Variants in TUB observed in about 807,000 individuals in gnomAD.
The protein encoded by TUB is TUB bipartite transcription factor, also known as tubby protein homolog.
Under a neutral mutation model 59.7 loss-of-function variants are expected in TUB, and 33 were observed. The observed-to-expected ratio is 0.55, with a 90% CI of 0.42 to 0.74. The LOEUF is 0.74. Among genes scored for constraint, TUB ranks in the 30% least tolerant of loss-of-function variants. The pLI is 0.00. For synonymous variants in TUB, 293 were observed against 256.4 expected, an observed-to-expected ratio of 1.14 and a Z score of -1.36; for missense variants, 659 against 672.0, an observed-to-expected ratio of 0.98 and a Z score of 0.21.
intron 4 of TUB, among the ~76,000 whole-genome samples, 175 bp from the exon 5 acceptor site, chr11:8,095,323 G>T (rs1028302242): frequency 2.6e-5 from 4 of 152,172 alleles, no homozygotes; most frequent in Non-Finnish European, 2.9e-5. Context: ...TCCCTTACTA[G>T]CTTACCAGTT....
At chr11:8,029,728 T>A (rs1487425292) in intron 1 of TUB, among the ~76,000 whole-genome samples, 1 of 152,082 alleles carries the variant, frequency 6.6e-6, no homozygotes, top group Non-Finnish European at 1.5e-5. Context: ...TGTGAGTATA[T>A]GACCTATGGC....
At position 8,095,524 on chromosome 11, in the gene TUB, G is replaced by A. The variant is rs1161392299; in HGVS notation, c.424G>A (p.Glu142Lys). ...KGTSGPAALAEDKSEAQGPVQ... is the reference protein window; with the variant it reads ...KGTSGPAALAKDKSEAQGPVQ... ...CACCAGCGGGCCAGCAGCACTGGCAGAAGACAAGTCTGAGGCCCAAGGCCC... is the reference window on the plus strand; with the variant it reads ...CACCAGCGGGCCAGCAGCACTGGCAAAAGACAAGTCTGAGGCCCAAGGCCC... The change falls in exon 5 of 12, where the codon GAA becomes AAA. Residue 142 changes from glutamate (E) to lysine (K), a missense_variant. Glu to Lys is a moderately conservative substitution (Grantham distance 56). This residue lies in a region of TUB where 321 missense variants were observed against 304.3 expected (regional missense o/e 1.05). Coordinates refer to ENST00000299506, the MANE Select transcript of TUB (RefSeq NM_177972.3). 1.2e-6 allele frequency: 2 copies of A among 1,612,022 alleles called. No homozygotes were observed. Among genetic ancestry groups the A allele is most frequent in the Admixed American group, 1.7e-5 (1 of 60,012 alleles).
intron 1 of TUB, among the ~76,000 whole-genome samples, chr11:8,085,136 C>G (rs552782397): frequency 1.5e-4 from 23 of 152,312 alleles, no homozygotes; most frequent in African/African-American, 4.3e-4. Flanking sequence ...TTGGACCCAC[C>G]ACTTTACTTC....
At chr11:8,101,282 T>C (rs114476991) in intron 11 of TUB, among the ~76,000 whole-genome samples, 3,737 of 152,296 alleles carry the variant, frequency 0.025, 167 homozygotes, top group African/African-American at 0.086. Flanking sequence ...TTCACATGCA[T>C]CTTACTTTGT....
chr11:8,023,673 G>C (rs1195760377), intron 1 of TUB, among the ~76,000 whole-genome samples: 2 of 152,196 alleles, frequency 1.3e-5, no homozygotes, highest in Admixed American at 1.3e-4. Context: ...TCTCTAGTCA[G>C]CATCCACAAG....
intron 2 of TUB, chr11:8,068,381 G>C (rs1943288841): frequency 6.6e-6 from 1 of 152,390 alleles, no homozygotes; most frequent in Non-Finnish European, 1.5e-5. Context: ...TGCCAGGGCT[G>C]CCTATGATCC....
At chr11:8,026,516 GA>G (rs1381109475) in intron 1 of TUB, among the ~76,000 whole-genome samples, 5 of 147,702 alleles carry the variant, frequency 3.4e-5, no homozygotes, top group African/African-American at 1.2e-4. Flanking sequence ...AGCATTCATT[GA>G]AAAAAACCTT....
chr11:8,080,198 G>A (rs560294888), upstream of TUB, among the ~76,000 whole-genome samples: 63 of 152,326 alleles, frequency 4.1e-4, no homozygotes, highest in Admixed American at 1.1e-3. Flanking sequence ...CTCTTCTGGC[G>A]CGGTTGGCGC....
At chr11:8,024,132 C>T (rs929650110) in intron 1 of TUB, among the ~76,000 whole-genome samples, 1 of 152,226 alleles carries the variant, frequency 6.6e-6, no homozygotes, top group Admixed American at 6.5e-5. Flanking sequence ...CAGCCTTTTC[C>T]CGGCCTCTCT....
Position 8,101,856 on chromosome 11 carries a change from G to GACTCGGCGA in TUB, c.*237_*238insACTCGGCGA. ...AAGGGATGAGAATAATTCTTTCCATGCCACGAGATCAACACACACTCCCAC... is the reference window on the plus strand; with the variant it reads ...AAGGGATGAGAATAATTCTTTCCATGACTCGGCGACCACGAGATCAACACACACTCCCAC... On this transcript the variant is annotated 3_prime_UTR_variant, in exon 12 of 12. Transcript: ENST00000299506. 5 of 482,844 alleles carry GACTCGGCGA rather than the reference G, an allele frequency of 1.0e-5. No individual in the cohort carries two copies. Among genetic ancestry groups the GACTCGGCGA allele is most frequent in the Admixed American group, 4.2e-5 (1 of 23,566 alleles). 29.9% of individuals were successfully genotyped at this position (482,844 alleles called of 1,614,324 possible). A position where few individuals can be genotyped will look rare whatever the true frequency, so the allele number is the denominator to read the frequency against.
At chr11:8,039,815 T>A (rs898997601) in intron 2 of TUB, 2 of 686,968 alleles carry the variant, frequency 2.9e-6, no homozygotes, top group Non-Finnish European at 2.2e-6. Flanking sequence ...CGCCTGGGAG[T>A]GTGTGTGTGA....
Position 8,096,803 on chromosome 11 carries a change from CA to C in TUB, c.685del (p.Arg229GlyfsTer28). 1 of 1,614,144 alleles carries C rather than the reference CA, an allele frequency of 6.2e-7. No individual in the cohort carries two copies. Among genetic ancestry groups the C allele is most frequent in the Non-Finnish European group, 8.5e-7 (1 of 1,179,992 alleles). On this transcript the variant is annotated frameshift_variant and splice_region_variant, in exon 6 of 12. Transcript: ENST00000299506. LOFTEE classifies it high-confidence loss of function. ...PSSATSRKSV[R>X]EAASAPSPTA... The stretch of plus-strand genomic sequence containing the variant: ...GCTCTGCTACTAGCAGGAAGTCCGT[CA>C]GGGTGAGTGAGTGAGTCTGCATCCA...
At chr11:8,092,863 G>T (rs1316133638) in intron 3 of TUB, among the ~76,000 whole-genome samples, 1 of 152,128 alleles carries the variant, frequency 6.6e-6, no homozygotes, top group Admixed American at 6.5e-5. Flanking sequence ...AAATTCAGGG[G>T]ATCATTCCAA....
rs765499125 is a variant in TUB, at chr11:8,097,236, C to A, written c.696C>A (p.Ala232=). 6.2e-7 allele frequency: 1 copy of A among 1,614,088 alleles called. No homozygotes were observed. Among genetic ancestry groups the A allele is most frequent in the South Asian group, 1.1e-5 (1 of 91,078 alleles). Residue 232 remains alanine (A), a synonymous_variant, in exon 7 of 12, where the codon GCC becomes GCA. Coordinates refer to ENST00000299506, the MANE Select transcript of TUB (RefSeq NM_177972.3). Reference sequence around the variant, plus strand: ...ATTCTGCATCCCCATAGGAGGCAGCCTCAGCCCCTAGCCCAACAGCTCCAG... The same window carrying A: ...ATTCTGCATCCCCATAGGAGGCAGCATCAGCCCCTAGCCCAACAGCTCCAG... The part of the protein sequence containing the change: ...ATSRKSVREA[A]SAPSPTAPEQ...
chr11:8,022,706 A>G lies in TUB; in HGVS notation c.56+3348A>G, dbSNP rs202033801. Among the ~76,000 whole-genome samples the G allele has an allele frequency of 5.6e-4, 86 of 152,320 alleles. 2 individuals carry two copies. The East Asian group carries it at 9.4e-3, about 17-fold the overall frequency. ...GGAGTTCAAAACCAGCCTGGCCAAC[A>G]TGGTGAAACCCTGTCTCTACTAAAA... On this transcript the variant is annotated intron_variant, in intron 1 of 11. Transcript: ENST00000534099.
chr11:8,102,816 G>C lies in TUB; in HGVS notation c.*1197G>C, dbSNP rs1944361716. ...ACACTCAGAAAATGGGGCTTGCCCT[G>C]GGTCACCTAGCTGGTTAATGGCAGC... On this transcript the variant is annotated 3_prime_UTR_variant, in exon 12 of 12. Coordinates refer to ENST00000299506, the MANE Select transcript of TUB (RefSeq NM_177972.3). 6.6e-6 allele frequency: 1 copy of C among 152,202 alleles called. No homozygotes were observed. The highest frequency in any genetic ancestry group is 1.5e-5 in the Non-Finnish European group (1 of 68,052). The allele number at this position is 152,202 out of a possible 1,614,324, so 9.4% of individuals were successfully genotyped here.
At chr11:8,073,270 A>T (rs1394912293) in intron 2 of TUB, among the ~76,000 whole-genome samples, 2 of 152,202 alleles carry the variant, frequency 1.3e-5, no homozygotes, top group Non-Finnish European at 2.9e-5. Flanking sequence ...AGCAAAAGGG[A>T]AGGGCCATGG....
At chr11:8,044,385 T>C (rs760021995) in intron 2 of TUB, among the ~76,000 whole-genome samples, 1 of 152,260 alleles carries the variant, frequency 6.6e-6, no homozygotes, top group Non-Finnish European at 1.5e-5. Flanking sequence ...AAGCTTGACT[T>C]GCATCTTAAT....
chr11:8,021,582 G>T (rs1254796838), intron 1 of TUB, among the ~76,000 whole-genome samples: 1 of 152,106 alleles, frequency 6.6e-6, no homozygotes, highest in Non-Finnish European at 1.5e-5. Flanking sequence ...AATGCATATT[G>T]TAAACGTTTC....
Sources: allele counts gnomAD v4.1 joint callset (sites outside exome capture counted in the v4.1 genomes callset), GRCh38; gene constraint gnomAD v4.1.1; regional missense constraint gnomAD v4.1.1; transcripts MANE v1.5; gene names NCBI Gene and HGNC (gene_info 2026-07-23, HGNC 2026-07-21).